Variants in GSS observed in about 807,000 individuals in gnomAD.
The protein encoded by GSS is glutathione synthetase, also known as GSH synthetase.
In GSS, 34 loss-of-function variants were observed where a neutral mutation model predicts 60.4. The observed-to-expected ratio is 0.56, with a 90% CI of 0.43 to 0.75. The LOEUF is 0.75. Ranked by LOEUF, GSS falls within the 30% of genes least tolerant of loss-of-function variation. The pLI is 0.00. For missense variants in GSS, 499 were observed against 595.1 expected (o/e 0.84, Z 1.68); for synonymous variants, 224 against 239.0 (o/e 0.94, Z 0.58).
chr20:34,928,481 G>A lies in GSS; in HGVS notation c.*347C>T, dbSNP rs2081369284. On this transcript the variant is annotated 3_prime_UTR_variant, in exon 13 of 13. Transcript: ENST00000651619. ...TAAGGCAGAATTAGGGAAAGGCTAT[G>A]CCCCTCCACTCCCCCTCCTCCTACC... is the stretch of plus-strand genomic sequence containing the variant. The A allele has an allele frequency of 9.7e-6, 4 of 412,164 alleles. No individual in the cohort carries two copies. The highest frequency in any genetic ancestry group is 3.5e-5 in the Admixed American group (1 of 28,540). 25.5% of individuals were successfully genotyped at this position (412,164 alleles called of 1,614,324 possible). A position where few individuals can be genotyped will look rare whatever the true frequency, so the allele number is the denominator to read the frequency against.
At chr20:34,942,020 T>C (rs1252763347) in intron 5 of GSS, among the ~76,000 whole-genome samples, 191 bp from the exon 6 acceptor site, 2 of 152,110 alleles carry the variant, frequency 1.3e-5, no homozygotes, top group African/African-American at 4.8e-5. Context: ...CCCTGGTGTA[T>C]ATGCCTGGAG....
chr20:34,944,950 T>C (rs2081508950), intron 3 of GSS, among the ~76,000 whole-genome samples: 1 of 152,142 alleles, frequency 6.6e-6, no homozygotes. Flanking sequence ...ACATCTAGCA[T>C]GTATATGTAA....
chr20:34,937,415 G>A (rs917266418), intron 6 of GSS, among the ~76,000 whole-genome samples: 1 of 152,168 alleles, frequency 6.6e-6, no homozygotes, highest in Non-Finnish European at 1.5e-5. Context: ...GAATAAACAA[G>A]TGGGAGTATT....
At position 34,928,843 on chromosome 20, in the gene GSS, G is replaced by A. The variant is rs2081373263; in HGVS notation, c.1410C>T (p.Asn470=). 6.2e-7 allele frequency: 1 copy of A among 1,613,938 alleles called. No individual in the cohort carries two copies. ...GGTTGTGCCCTCACACAGGGTATGG[G>A]TTGTCCAGGACTGCCACTCCCGCTG... ...GVAAGVAVLD[N]PYPV is the part of the protein sequence containing the mutation. Residue 470 remains asparagine (N), a synonymous_variant, in exon 13 of 13, where the codon AAC becomes AAT. Transcript: ENST00000651619.
At position 34,946,173 on chromosome 20, in the gene GSS, A is replaced by G. The variant is rs1024322490; in HGVS notation, c.130-75T>C. 8.5e-6 allele frequency: 11 copies of G among 1,295,838 alleles called. No individual in the cohort carries two copies. The African/African-American group carries it at 1.6e-4, about 19-fold the overall frequency. The allele number at this position is 1,295,838 out of a possible 1,614,324, so 80.3% of individuals were successfully genotyped here. Reference sequence around the variant, plus strand: ...GTTGTCTTCCTGCAAATGGAATCCCATGGAAAGTCTGGCCTATATTTACTG... The same window carrying G: ...GTTGTCTTCCTGCAAATGGAATCCCGTGGAAAGTCTGGCCTATATTTACTG... On this transcript the variant is annotated intron_variant, in intron 2 of 12. Coordinates refer to ENST00000651619, the MANE Select transcript of GSS (RefSeq NM_000178.4).
chr20:34,933,576 G>A (rs2081418827), intron 9 of GSS: 1 of 153,306 alleles, frequency 6.5e-6, no homozygotes, highest in Non-Finnish European at 1.5e-5. Context: ...CACACAGCAG[G>A]ATCAGGTCTC....
At chr20:34,941,090 C>T (rs1401580717) in intron 6 of GSS, among the ~76,000 whole-genome samples, 2 of 152,198 alleles carry the variant, frequency 1.3e-5, no homozygotes, top group Non-Finnish European at 2.9e-5. Context: ...GGTGCAGTGG[C>T]TCATGCCTGT....
intron 1 of GSS, chr20:34,952,920 G>A (rs1456785783): frequency 6.6e-6 from 1 of 152,162 alleles, no homozygotes; most frequent in Non-Finnish European, 1.5e-5. Context: ...CAAACCAGAA[G>A]GAATCTTAGT....
intron 3 of GSS, 56 bp from the exon 4 acceptor site, chr20:34,943,062 G>A (rs2081496928): frequency 1.7e-6 from 2 of 1,171,272 alleles, no homozygotes; most frequent in African/African-American, 1.5e-5. Context: ...AAATTTCAAG[G>A]AGTCCCATCC....
At chr20:34,934,369 C>A (rs981443981) in intron 9 of GSS, among the ~76,000 whole-genome samples, 3 of 151,390 alleles carry the variant, frequency 2.0e-5, no homozygotes, top group African/African-American at 7.3e-5. Flanking sequence ...CTCTGCCTCC[C>A]GGGCTCAAGC....
intron 11 of GSS, among the ~76,000 whole-genome samples, chr20:34,930,073 C>T (rs1232593788): frequency 6.6e-6 from 1 of 152,072 alleles, no homozygotes; most frequent in Admixed American, 6.5e-5. Flanking sequence ...TGAGACCATC[C>T]TGGCCAATAT....
chr20:34,937,607 C>G (rs577244656), intron 6 of GSS, among the ~76,000 whole-genome samples: 1 of 152,272 alleles, frequency 6.6e-6, no homozygotes, highest in South Asian at 2.1e-4. Flanking sequence ...CTATAATGTA[C>G]ACAGGGCCAC....
chr20:34,951,175 T>G (rs969984142), intron 2 of GSS, among the ~76,000 whole-genome samples: 2 of 152,206 alleles, frequency 1.3e-5, no homozygotes, highest in East Asian at 3.8e-4. Context: ...AGAATGAAGA[T>G]GACCCTAATA....
intron 6 of GSS, among the ~76,000 whole-genome samples, chr20:34,939,727 T>TG (rs2081468775): frequency 6.6e-6 from 1 of 151,446 alleles, no homozygotes; most frequent in African/African-American, 2.4e-5. Context: ...TGGAGTGCAG[T>TG]GGGGTGATCT....
In GSS at chr20:34,951,838, C is replaced by G. The variant is rs755324430; in HGVS notation, c.15G>C (p.Trp5Cys). The G allele has an allele frequency of 6.2e-6, 10 of 1,614,166 alleles. No homozygotes were observed. The highest frequency in any genetic ancestry group is 8.5e-6 in the Non-Finnish European group (10 of 1,180,030). MATN[W>C]GSLLQDKQQL... ...GCTGTTTATCCTGCAAGAGGCTCCC[C>G]CAGTTGGTGGCCATCCCAACACCTG... Residue 5 changes from tryptophan (W) to cysteine (C), a missense_variant, in exon 2 of 13, where the codon TGG (tryptophan) becomes TGC (cysteine). Transcript: ENST00000651619.
chr20:34,928,635 G>A lies in GSS; in HGVS notation c.*193C>T. ...ACCCTGAGCTATACCCACATCTCAA[G>A]GATTTGGGGGCGTCTAGATCTCATC... On this transcript the variant is annotated 3_prime_UTR_variant, in exon 13 of 13. Transcript: ENST00000651619. The A allele has an allele frequency of 1.5e-6, 1 of 665,376 alleles. No homozygotes were observed. The highest frequency in any genetic ancestry group is 2.8e-5 in the East Asian group (1 of 36,324). The allele number at this position is 665,376 out of a possible 1,614,324, so 41.2% of individuals were successfully genotyped here.
chr20:34,944,495 C>A (rs1339984604), intron 3 of GSS, among the ~76,000 whole-genome samples: 2 of 152,142 alleles, frequency 1.3e-5, no homozygotes, highest in African/African-American at 4.8e-5. Context: ...ACCATTATGA[C>A]CCCTTCTCAT....
chr20:34,943,040 T>C, intron 3 of GSS, 34 bp from the exon 4 acceptor site: 1 of 1,430,754 alleles, frequency 7.0e-7, no homozygotes, highest in Non-Finnish European at 9.8e-7. Context: ...TTTGCAGGCT[T>C]AATTGGACCT....
intron 2 of GSS, among the ~76,000 whole-genome samples, chr20:34,948,144 A>C (rs978401103): frequency 6.6e-6 from 1 of 152,138 alleles, no homozygotes; most frequent in African/African-American, 2.4e-5. Flanking sequence ...GATAAAACTG[A>C]GGAAGGCTAT....
Sources: allele counts gnomAD v4.1 joint callset (sites outside exome capture counted in the v4.1 genomes callset), GRCh38; gene constraint gnomAD v4.1.1; transcripts MANE v1.5; gene names NCBI Gene and HGNC (gene_info 2026-07-23, HGNC 2026-07-21).